Variants in FIBCD1 observed in about 807,000 individuals in gnomAD.
FIBCD1 encodes fibrinogen C domain-containing protein 1.
Under a neutral mutation model 45.1 loss-of-function variants are expected in FIBCD1, and 47 were observed. The ratio of observed to expected loss-of-function variants is 1.04; its 90% confidence interval spans 0.82 to 1.33. The LOEUF is 1.33. Ranked by LOEUF, FIBCD1 falls within the 40% of genes most tolerant of loss-of-function variation. The probability of loss-of-function intolerance (pLI) is 0.00; values close to 1 mark genes in which losing one functional copy is unlikely to be tolerated. For missense variants in FIBCD1, 653 were observed against 682.2 expected (o/e 0.96, Z 0.48); for synonymous variants, 313 against 308.1 (o/e 1.02, Z -0.17).
chr9:130,937,586 C>T (rs936773505), intron 1 of FIBCD1, among the ~76,000 whole-genome samples: 9 of 152,142 alleles, frequency 5.9e-5, no homozygotes, highest in Non-Finnish European at 7.4e-5. Flanking sequence ...GCTGCAAGCA[C>T]GAACTGTTCC....
intron 5 of FIBCD1, among the ~76,000 whole-genome samples, chr9:130,909,768 AAAAAG>A (rs1031372939): frequency 2.7e-4 from 41 of 152,244 alleles, no homozygotes; most frequent in Admixed American, 8.5e-4. Flanking sequence ...GTTAAAAAAA[AAAAAG>A]AAATGTTAAG....
At chr9:130,916,474 C>G (rs1245080941) in intron 4 of FIBCD1, among the ~76,000 whole-genome samples, 1 of 152,236 alleles carries the variant, frequency 6.6e-6, no homozygotes, top group African/African-American at 2.4e-5. Context: ...GAGCCAATGA[C>G]AGCCCAACGT....
intron 1 of FIBCD1, 127 bp from the exon 2 acceptor site, chr9:130,930,173 G>A (rs1832424083): frequency 8.4e-7 from 1 of 1,194,588 alleles, no homozygotes; most frequent in Non-Finnish European, 1.1e-6. Context: ...GTGGCACAGA[G>A]ACTGAGATGA....
Position 130,903,581 on chromosome 9 carries a change from T to C in FIBCD1, c.*483A>G, listed in dbSNP as rs1292568535. 1.0e-5 allele frequency: 2 copies of C among 200,924 alleles called. No homozygotes were observed. Among genetic ancestry groups the C allele is most frequent in the Non-Finnish European group, 2.0e-5 (2 of 97,990 alleles). The allele number at this position is 200,924 out of a possible 1,614,324, so 12.4% of individuals were successfully genotyped here. A position where few individuals can be genotyped will look rare whatever the true frequency, so the allele number is the denominator to read the frequency against. On this transcript the variant is annotated 3_prime_UTR_variant, in exon 7 of 7. Coordinates refer to ENST00000372338, the MANE Select transcript of FIBCD1 (RefSeq NM_032843.5). ...CAGGGAAACGGGGTGGGGGTTGGCA[T>C]TGGGAGGGCTGGAGGATACTGGCCT...
intron 1 of FIBCD1, among the ~76,000 whole-genome samples, chr9:130,930,394 A>G (rs1416276256): frequency 6.8e-6 from 1 of 146,620 alleles, no homozygotes; most frequent in South Asian, 2.2e-4. Flanking sequence ...GCGGGGAGAC[A>G]TGGGGAGATG....
rs1832561862 is a variant in FIBCD1, at chr9:130,938,675, G to T, written c.-68C>A. 7 of 968,422 alleles carry T rather than the reference G, an allele frequency of 7.2e-6. No homozygotes were observed. Among genetic ancestry groups the T allele is most frequent in the Non-Finnish European group, 9.2e-6 (7 of 761,564 alleles). 60.0% of individuals were successfully genotyped at this position (968,422 alleles called of 1,614,324 possible). ...TGCGGAGCGCAAAGGAGACGGGGTG[G>T]GCGCGGGCGCGGGCGCGGGGCGCGC... is the stretch of plus-strand genomic sequence containing the variant. On this transcript the variant is annotated 5_prime_UTR_variant, in exon 1 of 7. Transcript: ENST00000372338.
chr9:130,919,625 G>T (rs7031196), intron 4 of FIBCD1, among the ~76,000 whole-genome samples: 34,123 of 152,124 alleles, frequency 0.22, 4,197 homozygotes, highest in East Asian at 0.5. Context: ...GAGCTCAGGT[G>T]GGGGGATGTG....
intron 1 of FIBCD1, among the ~76,000 whole-genome samples, chr9:130,937,595 C>T (rs1832538470): frequency 6.6e-6 from 1 of 152,176 alleles, no homozygotes; most frequent in South Asian, 2.1e-4. Flanking sequence ...ACGAACTGTT[C>T]CTTCCCCAAT....
chr9:130,930,817 G>A (rs1231589806), intron 1 of FIBCD1: 1 of 456,170 alleles, frequency 2.2e-6, no homozygotes, highest in Admixed American at 2.3e-5. Context: ...GAGCAATATA[G>A]AGACACCCAC....
chr9:130,909,890 G>T (rs376520577), intron 5 of FIBCD1, among the ~76,000 whole-genome samples: 1 of 152,216 alleles, frequency 6.6e-6, no homozygotes, highest in East Asian at 1.9e-4. Flanking sequence ...TGTCCCAGTG[G>T]CAGGAAGGCG....
At position 130,903,187 on chromosome 9, in the gene FIBCD1, G is replaced by GA. The variant is rs1029002519; in HGVS notation, c.*876dup. The GA allele has an allele frequency of 6.5e-6, 1 of 152,878 alleles. No homozygotes were observed. The highest frequency in any genetic ancestry group is 2.4e-5 in the African/African-American group (1 of 41,460). 9.5% of individuals were successfully genotyped at this position (152,878 alleles called of 1,614,324 possible). A position where few individuals can be genotyped will look rare whatever the true frequency, so the allele number is the denominator to read the frequency against. On this transcript the variant is annotated 3_prime_UTR_variant, in exon 7 of 7. Transcript: ENST00000372338. ...CCAGCCCTGCCTAGGCCCCAGCCCA[G>GA]AAAACCAAGAGCTTCCCATTAGCGC...
chr9:130,915,039 C>T (rs960427618), intron 4 of FIBCD1, among the ~76,000 whole-genome samples: 8 of 152,248 alleles, frequency 5.3e-5, no homozygotes, highest in African/African-American at 1.9e-4. Flanking sequence ...CTCAGTCCCA[C>T]GACAGTCTGG....
intron 5 of FIBCD1, among the ~76,000 whole-genome samples, chr9:130,909,853 C>CTCCT (rs919641193): frequency 1.3e-5 from 2 of 152,188 alleles, no homozygotes; most frequent in Non-Finnish European, 2.9e-5. Flanking sequence ...ACCTTCTGAG[C>CTCCT]TCCTACTTTG....
chr9:130,905,396 C>T lies in FIBCD1; in HGVS notation c.964G>A (p.Ala322Thr), dbSNP rs139158805. 6.1e-4 allele frequency: 985 copies of T among 1,613,138 alleles called. 1 individual carries two copies. The highest frequency in any genetic ancestry group is 7.7e-4 in the Non-Finnish European group (903 of 1,179,558). Residue 322 changes from alanine to threonine, a missense_variant, in exon 6 of 7, where the codon GCC (alanine) becomes ACC (threonine). Coordinates refer to ENST00000372338, the MANE Select transcript of FIBCD1 (RefSeq NM_032843.5). The part of the protein sequence containing the change: ...EHWLGLKRIH[A>T]LTTQAAYELH... ...TCGTAGGCAGCCTGTGTGGTCAGGGCGTGGATCCTCTTGAGCCCTGAAGTT... is the reference window on the plus strand; with the variant it reads ...TCGTAGGCAGCCTGTGTGGTCAGGGTGTGGATCCTCTTGAGCCCTGAAGTT...
At chr9:130,932,531 G>A (rs1035438193) in intron 1 of FIBCD1, among the ~76,000 whole-genome samples, 3 of 152,152 alleles carry the variant, frequency 2.0e-5, no homozygotes, top group Non-Finnish European at 4.4e-5. Flanking sequence ...CTGCTCCCTT[G>A]GCCAGCCAGA....
At chr9:130,939,725 C>A (rs544516900), upstream of FIBCD1, among the ~76,000 whole-genome samples, 1 of 152,116 alleles carries the variant, frequency 6.6e-6, no homozygotes, top group East Asian at 1.9e-4. Flanking sequence ...TCTCCTCCGC[C>A]GGGAGGGGAT....
chr9:130,939,722 C>T (rs1468753004), upstream of FIBCD1, among the ~76,000 whole-genome samples: 1 of 152,134 alleles, frequency 6.6e-6, no homozygotes, highest in Non-Finnish European at 1.5e-5. Flanking sequence ...CCTTCTCCTC[C>T]GCCGGGAGGG....
chr9:130,912,440 C>T (rs1187945089), intron 4 of FIBCD1, among the ~76,000 whole-genome samples: 1 of 147,994 alleles, frequency 6.8e-6, no homozygotes, highest in Non-Finnish European at 1.5e-5. Context: ...GGCACGGTGA[C>T]TCCCGCCTGT....
intron 4 of FIBCD1, among the ~76,000 whole-genome samples, chr9:130,917,567 G>T (rs996691484): frequency 6.6e-6 from 1 of 152,230 alleles, no homozygotes; most frequent in Non-Finnish European, 1.5e-5. Context: ...CCTCTGGGCC[G>T]CTGCAGCCTT....
Sources: allele counts gnomAD v4.1 joint callset (sites outside exome capture counted in the v4.1 genomes callset), GRCh38; gene constraint gnomAD v4.1.1; transcripts MANE v1.5; gene names NCBI Gene and HGNC (gene_info 2026-07-23, HGNC 2026-07-21).